KIF26B: variants seen among roughly 807,000 people sequenced by gnomAD.
KIF26B encodes kinesin family member 26B.
In KIF26B, 63 loss-of-function variants were observed where a neutral mutation model predicts 151.2. That is an observed-to-expected ratio of 0.42 (90% CI 0.34 to 0.51). The LOEUF (loss-of-function observed/expected upper bound fraction) is 0.51, where lower values mean the gene tolerates loss of function less well. Among genes scored for constraint, KIF26B ranks in the 20% least tolerant of loss-of-function variants. KIF26B has a pLI of 0.07. For missense variants in KIF26B, 2,813 were observed against 2,913.6 expected (o/e 0.97, Z 0.79); for synonymous variants, 1,357 against 1,262.1 (o/e 1.08, Z -1.59).
At chr1:245,422,653 T>C (rs566282247) in intron 4 of KIF26B, among the ~76,000 whole-genome samples, 1 of 152,294 alleles carries the variant, frequency 6.6e-6, no homozygotes, top group South Asian at 2.1e-4. Flanking sequence ...CATAGGGGTT[T>C]GGGGCAGAGT....
Position 245,536,292 on chromosome 1 carries a change from C to A in KIF26B, c.1167-4475C>A, listed in dbSNP as rs538117781. On this transcript the variant is annotated intron_variant, in intron 4 of 14. Coordinates refer to ENST00000407071, the MANE Select transcript of KIF26B (RefSeq NM_018012.4). ...TATTCATTTCTTTAAAGAGAGCTTTCTTGAAAGACTCTTTCCTTCCTCTTT... is the reference window on the plus strand; with the variant it reads ...TATTCATTTCTTTAAAGAGAGCTTTATTGAAAGACTCTTTCCTTCCTCTTT... Among the ~76,000 whole-genome samples, 4 of 152,274 alleles carry A rather than the reference C, an allele frequency of 2.6e-5. No homozygotes were observed. The South Asian group carries it at 8.3e-4, about 32-fold the overall frequency.
intron 9 of KIF26B, 49 bp from the exon 10 acceptor site, chr1:245,646,072 T>C (rs745910654): frequency 6.3e-6 from 10 of 1,586,258 alleles, no homozygotes; most frequent in Middle Eastern, 1.7e-4. Context: ...AACAGATGAG[T>C]GTTTGTCAGA....
intron 5 of KIF26B, among the ~76,000 whole-genome samples, chr1:245,557,987 T>G (rs1005207633): frequency 6.6e-6 from 1 of 152,134 alleles, no homozygotes; most frequent in African/African-American, 2.4e-5. Flanking sequence ...CCTTGATTCT[T>G]AGAAAAGTAG....
intron 2 of KIF26B, among the ~76,000 whole-genome samples, chr1:245,211,952 C>G (rs111309875): frequency 3.9e-5 from 6 of 152,124 alleles, no homozygotes; most frequent in African/African-American, 1.2e-4. Flanking sequence ...TGCTCCTCAG[C>G]GGGGGCCTGG....
chr1:245,420,635 G>C (rs1189751809), intron 4 of KIF26B, among the ~76,000 whole-genome samples: 1 of 152,210 alleles, frequency 6.6e-6, no homozygotes, highest in Non-Finnish European at 1.5e-5. Flanking sequence ...GAAATCACAA[G>C]ACCTTTTGGG....
intron 4 of KIF26B, among the ~76,000 whole-genome samples, chr1:245,458,754 T>C (rs896639647): frequency 3.3e-5 from 5 of 152,264 alleles, no homozygotes; most frequent in African/African-American, 9.6e-5. Context: ...GGACTCAGTC[T>C]TCTGACCAGA....
Position 245,684,429 on chromosome 1 carries a change from G to A in KIF26B, c.2421+34G>A, listed in dbSNP as rs201545223. The A allele has an allele frequency of 1.9e-6, 3 of 1,547,160 alleles. No homozygotes were observed. The Admixed American group carries it at 5.8e-5, about 30-fold the overall frequency. On this transcript the variant is annotated intron_variant, in intron 11 of 14. Coordinates refer to ENST00000407071, the MANE Select transcript of KIF26B (RefSeq NM_018012.4). ...CTCGCGGGGTGGGGGGGTGGTGGAT[G>A]AGGGAGCCTTTGGAGCCGTGCCCTG...
At position 245,219,552 on chromosome 1, in the gene KIF26B, G is replaced by A. The variant is rs1484199889; in HGVS notation, c.465+62869G>A. ...GTTTCAGACTAGCCTGGGCAACATG[G>A]AGAAACTCCATCTCTACAAAAAATA... On this transcript the variant is annotated intron_variant, in intron 2 of 14. Transcript: ENST00000407071. 2.0e-5 allele frequency among the ~76,000 whole-genome samples: 3 copies of A among 152,070 alleles called. No homozygotes were observed. The East Asian group carries it at 5.9e-4, about 30-fold the overall frequency.
At chr1:245,355,586 AC>A (rs1395593721) in intron 2 of KIF26B, among the ~76,000 whole-genome samples, 1 of 143,108 alleles carries the variant, frequency 7.0e-6, no homozygotes, top group African/African-American at 2.8e-5. Flanking sequence ...ACACAGTGAG[AC>A]CCTGTCTCAA....
At chr1:245,493,304 C>T (rs1185454250) in intron 4 of KIF26B, among the ~76,000 whole-genome samples, 2 of 152,114 alleles carry the variant, frequency 1.3e-5, no homozygotes, top group African/African-American at 4.8e-5. Context: ...GAAAAGTGCT[C>T]CTGGAATGAC....
intron 4 of KIF26B, among the ~76,000 whole-genome samples, chr1:245,519,625 A>G (rs913691373): frequency 6.6e-6 from 1 of 152,148 alleles, no homozygotes; most frequent in African/African-American, 2.4e-5. Context: ...GTTCTGAGAA[A>G]TGAATCATTA....
rs2044479966 is a variant in KIF26B at position 245,684,336 on chromosome 1, A to G, written c.2362A>G (p.Thr788Ala). 6.2e-7 allele frequency: 1 copy of G among 1,613,562 alleles called. No individual in the cohort carries two copies. The highest frequency in any genetic ancestry group is 1.3e-5 in the African/African-American group (1 of 74,852). ...GGCCGCGGTCGGGAGCTACGCGGAG[A>G]CCCTGTCCACCATCCAGATTGCATC... Reference protein sequence around the residue: ...ISAAVGSYAETLSTIQIASRV... With the variant: ...ISAAVGSYAEALSTIQIASRV... Residue 788 changes from threonine (T) to alanine (A), a missense_variant, in exon 11 of 15, where the codon ACC becomes GCC. Around this residue, in one of 3 missense-constraint regions of KIF26B, gnomAD observed 2,060 missense variants for 2,088.6 expected, o/e 0.99. Coordinates refer to ENST00000407071, the MANE Select transcript of KIF26B (RefSeq NM_018012.4).
At chr1:245,594,163 T>A (rs1018535568) in intron 5 of KIF26B, among the ~76,000 whole-genome samples, 22 of 152,304 alleles carry the variant, frequency 1.4e-4, no homozygotes, top group African/African-American at 5.3e-4. Flanking sequence ...GCAGAAGCTC[T>A]TAGTTTAATT....
At chr1:245,398,806 C>T (rs2103025937) in intron 3 of KIF26B, among the ~76,000 whole-genome samples, 1 of 150,572 alleles carries the variant, frequency 6.6e-6, no homozygotes, top group African/African-American at 2.4e-5. Context: ...ATATAATTTC[C>T]TGGAAATAAC....
chr1:245,316,981 T>C (rs191436781), intron 2 of KIF26B, among the ~76,000 whole-genome samples: 88 of 151,694 alleles, frequency 5.8e-4, no homozygotes, highest in African/African-American at 2.0e-3. Flanking sequence ...TAGTCAGGAG[T>C]GCATATTGGA....
At chr1:245,430,765 C>T (rs1481033515) in intron 4 of KIF26B, among the ~76,000 whole-genome samples, 2 of 152,134 alleles carry the variant, frequency 1.3e-5, no homozygotes, top group East Asian at 1.9e-4. Context: ...CTTCAGAAGC[C>T]CCCATGAGTT....
intron 4 of KIF26B, among the ~76,000 whole-genome samples, chr1:245,448,261 G>T (rs1204076654): frequency 6.6e-6 from 1 of 152,194 alleles, no homozygotes; most frequent in Non-Finnish European, 1.5e-5. Context: ...AGGCTGGAGT[G>T]CAGTGGCATG....
At position 245,560,680 on chromosome 1, in the gene KIF26B, C is replaced by T. The variant is rs780687087; in HGVS notation, c.1350+19730C>T. 2.0e-5 allele frequency among the ~76,000 whole-genome samples: 3 copies of T among 152,146 alleles called. No individual in the cohort carries two copies. Among genetic ancestry groups the T allele is most frequent in the Non-Finnish European group, 4.4e-5 (3 of 68,022 alleles). ...GGGAAACGCAAACCTGTCAACCTGT[C>T]AGTCTCTCCCCTCTCACGGAAGCCT... is the stretch of plus-strand genomic sequence containing the variant. On this transcript the variant is annotated intron_variant, in intron 5 of 14. Transcript: ENST00000407071. This position sits in a 1 kb window ranked among gnomAD's most constrained non-coding sequence, Gnocchi z 4.3.
Position 245,374,059 on chromosome 1 carries a change from CAAAAAAAAAAAAAAAAAA to C in KIF26B, c.999+6711_999+6728del, listed in dbSNP as rs1172397969. Among the ~76,000 whole-genome samples, 20 of 17,490 alleles carry C rather than the reference CAAAAAAAAAAAAAAAAAA, an allele frequency of 1.1e-3. 1 individual carries two copies. Among genetic ancestry groups the C allele is most frequent in the South Asian group, 4.0e-3 (1 of 248 alleles). The allele number at this position is 17,490 out of a possible 152,430, so 11.5% of individuals were successfully genotyped here. On this transcript the variant is annotated intron_variant, in intron 3 of 14. Coordinates refer to ENST00000407071, the MANE Select transcript of KIF26B (RefSeq NM_018012.4). ...GTGACAGAGACCCGAGAACCTATCT[CAAAAAAAAAAAAAAAAAA>C]AAAAAAAAAAAAAAAAAATATATAT... is the stretch of plus-strand genomic sequence containing the variant.
Sources: gnomAD v4.1 joint callset for allele counts (sites outside exome capture counted in the v4.1 genomes callset) on GRCh38, gnomAD v4.1.1 for gene constraint, gnomAD v4.1.1 regional missense constraint, Gnocchi (gnomAD v3.1) non-coding constraint, MANE v1.5 for transcripts, NCBI Gene and HGNC (gene_info 2026-07-23, HGNC 2026-07-21) for gene names.